The following EYS variants were observed in gnomAD, a reference collection of about 807,000 sequenced individuals.
EYS encodes EGF-like photoreceptor maintenance factor.
EYS carries 250 observed loss-of-function variants against 282.1 expected under a neutral mutation model. The observed-to-expected ratio is 0.89, with a 90% CI of 0.80 to 0.98. The LOEUF (loss-of-function observed/expected upper bound fraction) is 0.98. Ranked by LOEUF, EYS falls within the 50% of genes least tolerant of loss-of-function variation. The pLI is 0.00. For missense variants in EYS, 4,016 were observed against 3,709.0 expected, an observed-to-expected ratio of 1.08 and a Z score of -2.15; for synonymous variants, 1,355 against 1,282.9, an observed-to-expected ratio of 1.06 and a Z score of -1.20.
chr6:64,561,065 C>T (rs1024877895), intron 26 of EYS, among the ~76,000 whole-genome samples: 6 of 152,048 alleles, frequency 3.9e-5, no homozygotes, highest in African/African-American at 1.2e-4. Context: ...TGATTCATCA[C>T]GTAAACAGAA....
At chr6:64,295,145 CGGG>C (rs1174465900) in intron 30 of EYS, among the ~76,000 whole-genome samples, 1 of 150,732 alleles carries the variant, frequency 6.6e-6, no homozygotes, top group African/African-American at 2.5e-5. Context: ...GAGGCCGAAG[CGGG>C]GGGATCACGA....
chr6:64,155,315 T>C (rs1774879616), intron 31 of EYS, among the ~76,000 whole-genome samples: 1 of 151,992 alleles, frequency 6.6e-6, no homozygotes, highest in African/African-American at 2.4e-5. Flanking sequence ...TTCCAACCAT[T>C]TCCAACCAGC....
chr6:64,373,959 T>G (rs1282059450), intron 29 of EYS, among the ~76,000 whole-genome samples: 1 of 151,782 alleles, frequency 6.6e-6, no homozygotes, highest in East Asian at 1.9e-4. Flanking sequence ...TGCCTGGCTA[T>G]CAGCAGCTGG....
intron 19 of EYS, among the ~76,000 whole-genome samples, chr6:64,862,138 C>G (rs7774246): frequency 0.16 from 23,608 of 152,166 alleles, 2,149 homozygotes; most frequent in East Asian, 0.49. Context: ...CTTTCTACTT[C>G]TCTGATTTCG....
intron 2 of EYS, among the ~76,000 whole-genome samples, chr6:65,617,423 T>A (rs1190188771): frequency 6.6e-6 from 1 of 152,148 alleles, no homozygotes; most frequent in African/African-American, 2.4e-5. Flanking sequence ...TGGTAAATGT[T>A]TAATGATACC....
intron 22 of EYS, among the ~76,000 whole-genome samples, chr6:64,675,428 C>CTTTTTTTTTTTTTTTTTTT (rs56346431): frequency 6.1e-5 from 7 of 114,646 alleles, no homozygotes; most frequent in Admixed American, 1.1e-4. Flanking sequence ...CTTTTTTTTT[C>CTTTTTTTTTTTTTTTTTTT]TTTTTTTTTT....
At chr6:65,126,292 C>T (rs1410512092) in intron 12 of EYS, among the ~76,000 whole-genome samples, 3 of 152,240 alleles carry the variant, frequency 2.0e-5, no homozygotes, top group Non-Finnish European at 4.4e-5. Context: ...CACGAATGTG[C>T]TCAATGTTAC....
chr6:64,559,271 A>ATGTGTGTGTGTGTGTGTGTGTG (rs4034160), intron 26 of EYS, among the ~76,000 whole-genome samples: 1 of 142,208 alleles, frequency 7.0e-6, no homozygotes, highest in Admixed American at 7.1e-5. Context: ...GTGTGTGTGC[A>ATGTGTGTGTGTGTGTGTGTGTG]TGTGTGTGTG....
chr6:64,736,938 A>C (rs1341140457), intron 22 of EYS, among the ~76,000 whole-genome samples: 1 of 152,248 alleles, frequency 6.6e-6, no homozygotes. Context: ...TAGGAAACAG[A>C]AGAATACAAT....
intron 9 of EYS, among the ~76,000 whole-genome samples, chr6:65,345,758 A>T (rs997696413): frequency 5.3e-5 from 8 of 151,900 alleles, no homozygotes; most frequent in African/African-American, 1.9e-4. Flanking sequence ...CAGAGAATTA[A>T]AAAAATAAAT....
At chr6:63,884,819 TTTC>T (rs1215880059) in intron 35 of EYS, among the ~76,000 whole-genome samples, 3 of 152,122 alleles carry the variant, frequency 2.0e-5, no homozygotes, top group East Asian at 3.8e-4. Flanking sequence ...AGGCGGAATC[TTTC>T]TTCTTCAATA....
intron 15 of EYS, among the ~76,000 whole-genome samples, chr6:64,942,746 A>C (rs550955269): frequency 6.6e-6 from 1 of 151,338 alleles, no homozygotes; most frequent in African/African-American, 2.4e-5. Context: ...CAACTAAATA[A>C]AGCCCCAGAC....
At chr6:64,377,959 T>C (rs1185883568) in intron 29 of EYS, 2 of 152,108 alleles carry the variant, frequency 1.3e-5, no homozygotes, top group Non-Finnish European at 2.9e-5. Context: ...TGGGTTGTTG[T>C]AAGGATTAAA....
intron 30 of EYS, among the ~76,000 whole-genome samples, chr6:64,306,025 AAAC>A (rs1212908637): frequency 8.5e-5 from 13 of 152,186 alleles, no homozygotes; most frequent in African/African-American, 3.1e-4. Flanking sequence ...TCCTAAGACT[AAAC>A]AACAAAGAAA....
At chr6:64,411,494 A>G (rs1336319995) in intron 28 of EYS, among the ~76,000 whole-genome samples, 2 of 152,138 alleles carry the variant, frequency 1.3e-5, no homozygotes, top group Non-Finnish European at 2.9e-5. Context: ...AAAATTCAAA[A>G]CAGAAAATAA....
chr6:64,313,560 C>A (rs956110361), intron 29 of EYS, among the ~76,000 whole-genome samples: 1 of 152,044 alleles, frequency 6.6e-6, no homozygotes, highest in Non-Finnish European at 1.5e-5. Flanking sequence ...TCGAGAAGAG[C>A]AAACCCAAGA....
At chr6:64,307,585 G>A (rs561565199) in intron 29 of EYS, among the ~76,000 whole-genome samples, 15 of 152,028 alleles carry the variant, frequency 9.9e-5, no homozygotes, top group Non-Finnish European at 2.1e-4. Flanking sequence ...GCAGATTTAG[G>A]TCAAGAGATA....
At position 63,916,118 on chromosome 6, in the gene EYS, G is replaced by C. The variant is rs148646176; in HGVS notation, c.7056-51760C>G. Among the ~76,000 whole-genome samples, 552 of 152,250 alleles carry C rather than the reference G, an allele frequency of 3.6e-3. 3 individuals are homozygous for C. The highest frequency in any genetic ancestry group is 0.012 in the African/African-American group (495 of 41,512). ...TTTAATTGATTTGGCAAACTTTACT[G>C]TTGTCTTATTTTAAGAAATTGTCAC... On this transcript the variant is annotated intron_variant, in intron 35 of 42. Transcript: ENST00000503581.
intron 31 of EYS, among the ~76,000 whole-genome samples, chr6:64,099,642 A>G (rs1488363638): frequency 6.6e-6 from 1 of 152,136 alleles, no homozygotes; most frequent in Non-Finnish European, 1.5e-5. Context: ...AATAAAATAT[A>G]TGAGTACTTA....
Sources: allele counts gnomAD v4.1 joint callset (sites outside exome capture counted in the v4.1 genomes callset), GRCh38; gene constraint gnomAD v4.1.1; transcripts MANE v1.5; gene names NCBI Gene and HGNC (gene_info 2026-07-23, HGNC 2026-07-21).